GARRE1: variants seen among roughly 807,000 people sequenced by gnomAD.
GARRE1 encodes granule associated Rac and RHOG effector protein 1.
A neutral mutation model predicts 103.2 loss-of-function variants in GARRE1; 49 were observed. That is an observed-to-expected ratio of 0.47 (90% confidence interval 0.38 to 0.60). The LOEUF (loss-of-function observed/expected upper bound fraction) is 0.60, where lower values mean the gene tolerates loss of function less well. GARRE1 is among the 20% of genes least tolerant of loss of function. The pLI, the probability that GARRE1 is intolerant of heterozygous loss-of-function variation, is 0.00. For missense variants in GARRE1, 1,199 were observed against 1,370.5 expected, an observed-to-expected ratio of 0.87 and a Z score of 1.98; for synonymous variants, 505 against 532.8, an observed-to-expected ratio of 0.95 and a Z score of 0.72.
chr19:34,348,097 G>A (rs2145285856), intron 11 of GARRE1, 55 bp downstream of exon 11: 1 of 1,351,782 alleles, frequency 7.4e-7, no homozygotes, highest in East Asian at 2.8e-5. Flanking sequence ...GTCCCCCGAG[G>A]GGCCTGTGAG....
At chr19:34,306,820 C>T (rs1053856662) in intron 2 of GARRE1, among the ~76,000 whole-genome samples, 2 of 152,074 alleles carry the variant, frequency 1.3e-5, no homozygotes, top group Non-Finnish European at 2.9e-5. Flanking sequence ...TTATTGTATG[C>T]CTTGTTTCTG....
chr19:34,257,550 G>C (rs1012667562), intron 1 of GARRE1, among the ~76,000 whole-genome samples: 4 of 152,028 alleles, frequency 2.6e-5, no homozygotes, highest in Non-Finnish European at 5.9e-5. Flanking sequence ...GAAAAATGAT[G>C]ATCTTCCTAG....
chr19:34,309,701 T>G (rs1245900561), intron 2 of GARRE1, among the ~76,000 whole-genome samples: 1 of 152,144 alleles, frequency 6.6e-6, no homozygotes, highest in African/African-American at 2.4e-5. Flanking sequence ...TTGTGTACGT[T>G]TGGACCTTTT....
At chr19:34,255,897 A>G (rs1278135301) in intron 1 of GARRE1, among the ~76,000 whole-genome samples, 1 of 151,910 alleles carries the variant, frequency 6.6e-6, no homozygotes, top group Non-Finnish European at 1.5e-5. Context: ...GCTGGAGTGC[A>G]GTGGCGGGAT....
chr19:34,288,439 C>T (rs760348974), intron 1 of GARRE1, among the ~76,000 whole-genome samples: 1 of 152,166 alleles, frequency 6.6e-6, no homozygotes, highest in Non-Finnish European at 1.5e-5. Context: ...TGGGGCCTCC[C>T]CATTACAAAA....
At chr19:34,292,829 G>A (rs1351644719) in intron 1 of GARRE1, among the ~76,000 whole-genome samples, 1 of 151,508 alleles carries the variant, frequency 6.6e-6, no homozygotes, top group East Asian at 1.9e-4. Context: ...TCCGCCTTCC[G>A]GGTTCATGCC....
At chr19:34,320,937 T>C (rs2074084992) in intron 3 of GARRE1, among the ~76,000 whole-genome samples, 1 of 146,246 alleles carries the variant, frequency 6.8e-6, no homozygotes. Context: ...AGAGATGAAG[T>C]CTCACTATGT....
intron 1 of GARRE1, among the ~76,000 whole-genome samples, chr19:34,263,095 C>T (rs1226732226): frequency 6.6e-6 from 1 of 152,074 alleles, no homozygotes; most frequent in African/African-American, 2.4e-5. Flanking sequence ...TGCCTGTAAT[C>T]CCAGCTGTCC....
At chr19:34,308,174 T>C (rs1443150231) in intron 2 of GARRE1, among the ~76,000 whole-genome samples, 1 of 151,764 alleles carries the variant, frequency 6.6e-6, no homozygotes, top group Non-Finnish European at 1.5e-5. Context: ...TGGAAAATAT[T>C]AGAAGCTGGT....
chr19:34,291,739 C>G (rs2073919030), intron 1 of GARRE1, among the ~76,000 whole-genome samples: 1 of 152,186 alleles, frequency 6.6e-6, no homozygotes, highest in Admixed American at 6.5e-5. Flanking sequence ...GATTAAGTTT[C>G]CAATACAAGA....
intron 2 of GARRE1, among the ~76,000 whole-genome samples, chr19:34,314,666 T>C (rs2074052223): frequency 6.6e-6 from 1 of 152,244 alleles, no homozygotes; most frequent in Non-Finnish European, 1.5e-5. Context: ...CTGAGCTTGC[T>C]TTCTCCCTCG....
intron 12 of GARRE1, 55 bp downstream of exon 12, chr19:34,349,208 C>T: frequency 6.4e-7 from 1 of 1,574,238 alleles, no homozygotes; most frequent in Non-Finnish European, 8.7e-7. Flanking sequence ...GAATGCAACC[C>T]ATGGCTCACT....
chr19:34,316,298 C>G (rs2074060141), intron 2 of GARRE1, among the ~76,000 whole-genome samples: 1 of 152,164 alleles, frequency 6.6e-6, no homozygotes, highest in Non-Finnish European at 1.5e-5. Context: ...ACTTAAAAAC[C>G]TGCCTTTGGC....
In GARRE1 at chr19:34,342,409, T is replaced by C. The variant is rs781363890; in HGVS notation, c.2475T>C (p.Asp825=). 1.9e-6 allele frequency: 3 copies of C among 1,613,978 alleles called. No individual in the cohort carries two copies. In the Admixed American group the frequency reaches 5.0e-5, roughly 27 times the overall value. ...CCTGGCCCAACCGTGACCAAAGTGA[T>C]GGAGTCTTTGGAATGCTGGGAGAGA... ...NNTWPNRDQS[D]GVFGMLGEIL... is the part of the protein sequence containing the mutation. The change falls in exon 10 of 14, where the codon GAT becomes GAC. Residue 825 remains aspartate, a synonymous_variant. Transcript: ENST00000299505.
At chr19:34,315,699 A>G (rs2074057041) in intron 2 of GARRE1, among the ~76,000 whole-genome samples, 1 of 123,782 alleles carries the variant, frequency 8.1e-6, no homozygotes, top group Admixed American at 9.2e-5. Flanking sequence ...CAACAGAGCA[A>G]GACTCTGTCT....
chr19:34,308,507 A>T (rs2074022176), intron 2 of GARRE1, among the ~76,000 whole-genome samples: 1 of 152,114 alleles, frequency 6.6e-6, no homozygotes, highest in Non-Finnish European at 1.5e-5. Context: ...TTGTCTTCAG[A>T]CTTTAGCCTG....
intron 2 of GARRE1, among the ~76,000 whole-genome samples, chr19:34,307,922 C>T (rs1264038988): frequency 6.6e-6 from 1 of 150,456 alleles, no homozygotes; most frequent in South Asian, 2.1e-4. Flanking sequence ...TCTGAGACTG[C>T]GTAGCTGAGA....
At chr19:34,312,043 T>G (rs2074039428) in intron 2 of GARRE1, among the ~76,000 whole-genome samples, 1 of 152,148 alleles carries the variant, frequency 6.6e-6, no homozygotes. Flanking sequence ...CTCAAACTCC[T>G]GGGCTTAAGC....
At chr19:34,340,845 C>T (rs921596243) in intron 9 of GARRE1, among the ~76,000 whole-genome samples, 1 of 152,134 alleles carries the variant, frequency 6.6e-6, no homozygotes, top group African/African-American at 2.4e-5. Context: ...CTCATGAGTA[C>T]ACAAAGGCCA....
Sources: gnomAD v4.1 joint callset for allele counts (sites outside exome capture counted in the v4.1 genomes callset) on GRCh38, gnomAD v4.1.1 for gene constraint, MANE v1.5 for transcripts, NCBI Gene and HGNC (gene_info 2026-07-23, HGNC 2026-07-21) for gene names.